Variants in IL1RAPL1 observed in about 807,000 individuals in gnomAD.
IL1RAPL1 encodes interleukin 1 receptor accessory protein like 1, also known as interleukin-1 receptor accessory protein-like 1.
IL1RAPL1 carries 3 observed loss-of-function variants against 48.4 expected under a neutral mutation model. That is an observed-to-expected ratio of 0.06 (90% CI 0.03 to 0.16). The LOEUF is 0.16. IL1RAPL1 is among the 10% of genes least tolerant of loss of function. The probability of loss-of-function intolerance (pLI) is 1.00; values close to 1 mark genes in which losing one functional copy is unlikely to be tolerated. For missense variants in IL1RAPL1, 349 were observed against 530.6 expected (o/e 0.66, Z 3.36); for synonymous variants, 185 against 187.7 (o/e 0.99, Z 0.12).
chrX:29,585,078 G>T (rs1294386351), intron 5 of IL1RAPL1, among the ~76,000 whole-genome samples: 1 of 111,489 alleles, frequency 9.0e-6, no homozygotes, highest in Non-Finnish European at 1.9e-5. Context: ...CATGAGATCT[G>T]CCCTCTTAAA....
chrX:29,220,664 A>G lies in IL1RAPL1; in HGVS notation c.83-62274A>G, dbSNP rs779029998. On this transcript the variant is annotated intron_variant, in intron 2 of 10. Transcript: ENST00000378993. Reference sequence around the variant, plus strand: ...ACAGCTGTGTAAATATTGGAAGAGCAGAAAATCTAACATAATACAACAAAT... The same window carrying G: ...ACAGCTGTGTAAATATTGGAAGAGCGGAAAATCTAACATAATACAACAAAT... 2.7e-5 allele frequency among the ~76,000 whole-genome samples: 3 copies of G among 112,269 alleles called. No homozygotes were observed. In the East Asian group the frequency reaches 8.4e-4, roughly 31 times the overall value.
chrX:28,974,503 T>G (rs5985934), intron 2 of IL1RAPL1, among the ~76,000 whole-genome samples: 34,781 of 111,054 alleles, frequency 0.31, 4,075 homozygotes, highest in Admixed American at 0.42. Context: ...TCAAGAAACC[T>G]CTGTTAATCT....
At chrX:29,143,673 C>T (rs1569245478) in intron 2 of IL1RAPL1, among the ~76,000 whole-genome samples, 2 of 112,056 alleles carry the variant, frequency 1.8e-5, no homozygotes, top group Non-Finnish European at 3.8e-5. Context: ...CCTTATTTTA[C>T]TTAGTAATTG....
At chrX:29,834,112 T>C (rs1930938724) in intron 6 of IL1RAPL1, among the ~76,000 whole-genome samples, 1 of 112,453 alleles carries the variant, frequency 8.9e-6, no homozygotes, top group African/African-American at 3.2e-5. Context: ...GAATACTTCT[T>C]AAAAGTTCCT....
intron 3 of IL1RAPL1, among the ~76,000 whole-genome samples, chrX:29,328,411 A>G (rs1932856380): frequency 9.0e-6 from 1 of 111,064 alleles, no homozygotes; most frequent in Non-Finnish European, 1.9e-5. Context: ...CCTATTATAC[A>G]CACTGTACCA....
intron 2 of IL1RAPL1, among the ~76,000 whole-genome samples, chrX:29,016,203 A>G (rs1325999733): frequency 9.0e-6 from 1 of 111,730 alleles, no homozygotes; most frequent in Non-Finnish European, 1.9e-5. Context: ...AGCCTGCACT[A>G]GAAGGTTCAC....
intron 2 of IL1RAPL1, among the ~76,000 whole-genome samples, chrX:29,142,128 A>T (rs1569245161): frequency 8.9e-6 from 1 of 111,958 alleles, no homozygotes; most frequent in Non-Finnish European, 1.9e-5. Flanking sequence ...ATAGCATGAA[A>T]CTAGTCAAAA....
intron 5 of IL1RAPL1, among the ~76,000 whole-genome samples, chrX:29,509,666 C>G (rs1473442286): frequency 9.2e-6 from 1 of 108,586 alleles, no homozygotes; most frequent in Non-Finnish European, 1.9e-5. Context: ...CACACATGCA[C>G]ACACACGCAT....
At chrX:29,879,690 T>G (rs2147213984) in intron 6 of IL1RAPL1, among the ~76,000 whole-genome samples, 1 of 110,295 alleles carries the variant, frequency 9.1e-6, no homozygotes, top group South Asian at 3.8e-4. Context: ...CGTGAAGTCT[T>G]TTGTTTAGAA....
At chrX:28,663,381 C>G (rs888685312) in intron 1 of IL1RAPL1, among the ~76,000 whole-genome samples, 2 of 112,092 alleles carry the variant, frequency 1.8e-5, no homozygotes, top group East Asian at 2.8e-4. Flanking sequence ...TCTTTCCGGT[C>G]TGTGGAGTAA....
At position 29,587,700 on chromosome X, in the gene IL1RAPL1, G is replaced by T. The variant is rs745983642; in HGVS notation, c.704-80730G>T. On this transcript the variant is annotated intron_variant, in intron 5 of 10. Coordinates refer to ENST00000378993, the MANE Select transcript of IL1RAPL1 (RefSeq NM_014271.4). ...CTATTTATAGAAAAGGAAACCACTGGGCTCCCCCTTGCACTATTGGTCTTA... is the reference window on the plus strand; with the variant it reads ...CTATTTATAGAAAAGGAAACCACTGTGCTCCCCCTTGCACTATTGGTCTTA... 3.6e-5 allele frequency among the ~76,000 whole-genome samples: 4 copies of T among 111,244 alleles called. No homozygotes were observed. In the East Asian group the frequency reaches 8.5e-4, roughly 24 times the overall value.
rs764497674 is a variant in IL1RAPL1, at chrX:29,449,841, G to A, written c.703+50533G>A. On this transcript the variant is annotated intron_variant, in intron 5 of 10. Coordinates refer to ENST00000378993, the MANE Select transcript of IL1RAPL1 (RefSeq NM_014271.4). Reference sequence around the variant, plus strand: ...AATCATCTTATTTTACAAAACACCAGCTGTGTTCCAGTGTTCTATCTATTG... The same window carrying A: ...AATCATCTTATTTTACAAAACACCAACTGTGTTCCAGTGTTCTATCTATTG... Among the ~76,000 whole-genome samples, 10 of 102,108 alleles carry A rather than the reference G, an allele frequency of 9.8e-5. No individual in the cohort carries two copies. In the East Asian group the frequency reaches 3.1e-3, roughly 31 times the overall value. The allele number at this position is 102,108 out of a possible 115,157, so 88.7% of individuals were successfully genotyped here.
chrX:29,906,227 C>T (rs932646000), intron 6 of IL1RAPL1, among the ~76,000 whole-genome samples: 1 of 103,935 alleles, frequency 9.6e-6, no homozygotes, highest in Non-Finnish European at 2.0e-5. Context: ...CCCAGCTACT[C>T]GGGAGGCTGA....
At chrX:29,608,695 G>A (rs58049260) in intron 5 of IL1RAPL1, among the ~76,000 whole-genome samples, 23,334 of 93,543 alleles carry the variant, frequency 0.25, 3,700 homozygotes, top group African/African-American at 0.36. Context: ...GCGTGGTGGC[G>A]GGCGCCTGTA....
intron 1 of IL1RAPL1, among the ~76,000 whole-genome samples, chrX:28,619,247 A>G (rs974035516): frequency 9.0e-6 from 1 of 111,215 alleles, no homozygotes; most frequent in Non-Finnish European, 1.9e-5. Context: ...GTCAACTCTT[A>G]TCTCTTTTAA....
At chrX:28,947,307 C>T (rs1470726118) in intron 2 of IL1RAPL1, among the ~76,000 whole-genome samples, 1 of 111,378 alleles carries the variant, frequency 9.0e-6, no homozygotes, top group Admixed American at 9.6e-5. Flanking sequence ...AAGTTTAATT[C>T]CCCATTAGAG....
chrX:29,212,391 C>T (rs1002597416), intron 2 of IL1RAPL1, among the ~76,000 whole-genome samples: 6 of 111,569 alleles, frequency 5.4e-5, no homozygotes, highest in African/African-American at 1.6e-4. Flanking sequence ...TCACTGCAAC[C>T]TCTGCCTCCC....
intron 2 of IL1RAPL1, among the ~76,000 whole-genome samples, chrX:29,080,744 CTTT>C (rs759930481): frequency 6.2e-5 from 6 of 96,933 alleles, no homozygotes; most frequent in Admixed American, 1.1e-4. Flanking sequence ...CAAGCAAATA[CTTT>C]TTTTTTTTTT....
chrX:29,653,881 A>G (rs886328151), intron 5 of IL1RAPL1, among the ~76,000 whole-genome samples: 4 of 107,288 alleles, frequency 3.7e-5, no homozygotes, highest in Non-Finnish European at 5.8e-5. Flanking sequence ...GAACAAAAGA[A>G]TGAATGGAAA....
Sources: gnomAD v4.1 joint callset for allele counts (sites outside exome capture counted in the v4.1 genomes callset) on GRCh38, gnomAD v4.1.1 for gene constraint, MANE v1.5 for transcripts, NCBI Gene and HGNC (gene_info 2026-07-23, HGNC 2026-07-21) for gene names.